The following ENPP3 variants were observed in gnomAD, a reference collection of about 807,000 sequenced individuals.
ENPP3 encodes the protein ectonucleotide pyrophosphatase/phosphodiesterase family member 3.
Under a neutral mutation model 117.8 loss-of-function variants are expected in ENPP3, and 104 were observed. The ratio of observed to expected loss-of-function variants is 0.88; its 90% confidence interval spans 0.75 to 1.04. The LOEUF (loss-of-function observed/expected upper bound fraction) is 1.04. ENPP3 is among the 50% of genes least tolerant of loss of function. The probability of loss-of-function intolerance (pLI) is 0.00; values close to 1 mark genes in which losing one functional copy is unlikely to be tolerated. For synonymous variants in ENPP3, 380 were observed against 349.9 expected (o/e 1.09, Z -0.96); for missense variants, 1,026 against 1,051.9 (o/e 0.98, Z 0.34).
chr6:131,665,636 C>T (rs745932879), intron 6 of ENPP3, among the ~76,000 whole-genome samples: 1 of 151,958 alleles, frequency 6.6e-6, no homozygotes, highest in Non-Finnish European at 1.5e-5. Flanking sequence ...TTTTCTTGGT[C>T]TAGTTAAAAG....
At chr6:131,740,602 A>G (rs1428680840) in intron 24 of ENPP3, among the ~76,000 whole-genome samples, 1 of 152,164 alleles carries the variant, frequency 6.6e-6, no homozygotes, top group South Asian at 2.1e-4. Context: ...TATATACCCC[A>G]TGTATTTTAT....
intron 2 of ENPP3, among the ~76,000 whole-genome samples, chr6:131,645,387 TG>T (rs1223472270): frequency 3.3e-5 from 5 of 152,228 alleles, no homozygotes; most frequent in Admixed American, 1.3e-4. Flanking sequence ...AGTGTGCAGT[TG>T]GGTATAGAAT....
At position 131,722,210 on chromosome 6, in the gene ENPP3, A is replaced by G; in HGVS notation, c.1568-17A>G. On this transcript the variant is annotated splice_polypyrimidine_tract_variant and intron_variant, in intron 17 of 24. Coordinates refer to ENST00000357639, the MANE Select transcript of ENPP3 (RefSeq NM_005021.5). ...TCCAGTGTAAAGCTACTTTGAACTAATTTTTTCAAAAAACAGATCTTCTAC... is the reference window on the plus strand; with the variant it reads ...TCCAGTGTAAAGCTACTTTGAACTAGTTTTTTCAAAAAACAGATCTTCTAC... 6.2e-7 allele frequency: 1 copy of G among 1,600,644 alleles called. No individual in the cohort carries two copies. Among genetic ancestry groups the G allele is most frequent in the South Asian group, 1.1e-5 (1 of 89,104 alleles).
At chr6:131,737,305 G>A in intron 21 of ENPP3, 50 bp from the exon 22 acceptor site, 4 of 1,113,226 alleles carry the variant, frequency 3.6e-6, no homozygotes, top group Non-Finnish European at 5.4e-6. Flanking sequence ...TGTGCAGTAT[G>A]TCATATTTTC....
intron 11 of ENPP3, 128 bp from the exon 12 acceptor site, chr6:131,682,926 T>A (rs896657606): frequency 3.0e-6 from 2 of 673,762 alleles, no homozygotes; most frequent in African/African-American, 3.7e-5. Context: ...AGTGCTGGGC[T>A]CTGAGGTTCT....
chr6:131,641,390 T>C (rs1317389645), intron 1 of ENPP3, 65 bp from the exon 2 acceptor site: 1 of 973,392 alleles, frequency 1.0e-6, no homozygotes, highest in African/African-American at 1.6e-5. Context: ...TGAGAAAGGG[T>C]GGTTATTTGT....
chr6:131,739,908 TA>T (rs71270396), intron 23 of ENPP3, among the ~76,000 whole-genome samples: 66 of 146,806 alleles, frequency 4.5e-4, no homozygotes, highest in Admixed American at 8.2e-4. Flanking sequence ...CCATCTCTAT[TA>T]AAAAAAAAAA....
chr6:131,648,160 C>G (rs1052190221), intron 2 of ENPP3, among the ~76,000 whole-genome samples: 3 of 151,384 alleles, frequency 2.0e-5, no homozygotes, highest in Non-Finnish European at 1.5e-5. Flanking sequence ...TTACAGTGTA[C>G]TTTGAAAATC....
chr6:131,742,096 T>C (rs946025080), intron 24 of ENPP3, among the ~76,000 whole-genome samples: 5 of 150,210 alleles, frequency 3.3e-5, no homozygotes, highest in Non-Finnish European at 7.4e-5. Context: ...GTTTAAATTG[T>C]CTAAAGAAGG....
At chr6:131,727,189 A>G (rs1440297960) in intron 20 of ENPP3, among the ~76,000 whole-genome samples, 1 of 152,202 alleles carries the variant, frequency 6.6e-6, no homozygotes, top group East Asian at 1.9e-4. Flanking sequence ...CTTAGTTACT[A>G]CATGAACAAA....
At chr6:131,678,823 G>T (rs1221735211) in intron 11 of ENPP3, among the ~76,000 whole-genome samples, 1 of 152,156 alleles carries the variant, frequency 6.6e-6, no homozygotes, top group Admixed American at 6.5e-5. Context: ...CTGTATCACA[G>T]AATTGTATGC....
intron 11 of ENPP3, among the ~76,000 whole-genome samples, chr6:131,682,321 G>A (rs1358759876): frequency 6.6e-6 from 1 of 151,708 alleles, no homozygotes; most frequent in African/African-American, 2.4e-5. Flanking sequence ...TAATGAGATC[G>A]AATCTCTACA....
At chr6:131,645,607 T>G (rs1384109471) in intron 2 of ENPP3, among the ~76,000 whole-genome samples, 1 of 152,240 alleles carries the variant, frequency 6.6e-6, no homozygotes, top group African/African-American at 2.4e-5. Context: ...ATGAGAGAGA[T>G]AACTTGAATC....
At chr6:131,679,042 TTTCTTTC>T (rs1562446951) in intron 11 of ENPP3, among the ~76,000 whole-genome samples, 1 of 119,464 alleles carries the variant, frequency 8.4e-6, no homozygotes, top group Non-Finnish European at 1.6e-5. Context: ...TCTTTCTTTC[TTTCTTTC>T]TTTCTTTCTT....
intron 6 of ENPP3, among the ~76,000 whole-genome samples, chr6:131,660,010 TA>T (rs771410444): frequency 2.4e-4 from 37 of 152,302 alleles, no homozygotes; most frequent in Admixed American, 1.2e-3. Flanking sequence ...TTAAAACATT[TA>T]AAATATTTTT....
chr6:131,666,746 T>C (rs1778623995), intron 6 of ENPP3, among the ~76,000 whole-genome samples: 2 of 152,248 alleles, frequency 1.3e-5, no homozygotes, highest in Non-Finnish European at 2.9e-5. Context: ...ATCTTGTTCC[T>C]TTGCTTTGAA....
Position 131,734,274 on chromosome 6 carries a change from TG to T in ENPP3, c.2089+552del, listed in dbSNP as rs1350465671. ...AGTAGCCAAATGAAATTTAAGTTTT[TG>T]TTGTTGTTGTTGTTGTTGTTTTCAG... On this transcript the variant is annotated intron_variant, in intron 21 of 24. Transcript: ENST00000357639. 2.6e-5 allele frequency among the ~76,000 whole-genome samples: 4 copies of T among 152,138 alleles called. No individual in the cohort carries two copies. The East Asian group carries it at 5.8e-4, about 22-fold the overall frequency.
At position 131,650,056 on chromosome 6, in the gene ENPP3, T is replaced by C; in HGVS notation, c.184T>C (p.Ser62Pro). Residue 62 changes from serine to proline, a missense_variant, in exon 3 of 25, where the codon TCA becomes CCA. Coordinates refer to ENST00000357639, the MANE Select transcript of ENPP3 (RefSeq NM_005021.5). ...GSCRKKCFDA[S>P]FRGLENCRCD... Reference sequence around the variant, plus strand: ...CTGCAGGAAGAAGTGCTTTGATGCATCATTTAGAGGACTGGAGAACTGCCG... The same window carrying C: ...CTGCAGGAAGAAGTGCTTTGATGCACCATTTAGAGGACTGGAGAACTGCCG... The C allele has an allele frequency of 5.0e-6, 8 of 1,614,082 alleles. No homozygotes were observed. The highest frequency in any genetic ancestry group is 6.8e-6 in the Non-Finnish European group (8 of 1,179,984).
At chr6:131,679,509 CTTT>C (rs57631097) in intron 11 of ENPP3, among the ~76,000 whole-genome samples, 5 of 132,204 alleles carry the variant, frequency 3.8e-5, no homozygotes, top group Non-Finnish European at 3.3e-5. Context: ...GTACCATGTC[CTTT>C]TTTTTTTTTT....
Sources: gnomAD v4.1 joint callset for allele counts (sites outside exome capture counted in the v4.1 genomes callset) on GRCh38, gnomAD v4.1.1 for gene constraint, MANE v1.5 for transcripts, NCBI Gene and HGNC (gene_info 2026-07-23, HGNC 2026-07-21) for gene names.